The following KHDRBS2 variants were observed in gnomAD, a reference collection of about 807,000 sequenced individuals.
The protein encoded by KHDRBS2 is KH domain-containing, RNA-binding, signal transduction-associated protein 2.
Under a neutral mutation model 44.3 loss-of-function variants are expected in KHDRBS2, and 26 were observed. That is an observed-to-expected ratio of 0.59 (90% CI 0.43 to 0.81). The LOEUF (loss-of-function observed/expected upper bound fraction) is 0.81, where lower values mean the gene tolerates loss of function less well. KHDRBS2 is among the 40% of genes least tolerant of loss of function. The pLI is 0.00. For missense variants in KHDRBS2, 476 were observed against 433.1 expected, an observed-to-expected ratio of 1.10 and a Z score of -0.88; for synonymous variants, 194 against 151.1, an observed-to-expected ratio of 1.28 and a Z score of -2.08.
At chr6:61,845,587 C>T (rs534044939) in intron 6 of KHDRBS2, among the ~76,000 whole-genome samples, 4 of 152,160 alleles carry the variant, frequency 2.6e-5, no homozygotes, top group Non-Finnish European at 4.4e-5. Flanking sequence ...GGATTACAGG[C>T]GTGAGCCTCT....
At chr6:61,908,935 A>T (rs1313710236) in intron 4 of KHDRBS2, among the ~76,000 whole-genome samples, 5 of 152,210 alleles carry the variant, frequency 3.3e-5, no homozygotes, top group African/African-American at 7.2e-5. Context: ...CTCTTACAAG[A>T]TGAATTATAA....
chr6:62,260,621 T>C (rs1838184500), intron 1 of KHDRBS2, among the ~76,000 whole-genome samples: 1 of 151,994 alleles, frequency 6.6e-6, no homozygotes, highest in Non-Finnish European at 1.5e-5. Flanking sequence ...ACTTCATTAA[T>C]CTTGCTTTTT....
intron 2 of KHDRBS2, among the ~76,000 whole-genome samples, chr6:62,126,502 C>T (rs1451322429): frequency 6.6e-6 from 1 of 152,158 alleles, no homozygotes; most frequent in Non-Finnish European, 1.5e-5. Flanking sequence ...AGTAGCCAGA[C>T]AGTGCTTACC....
At chr6:61,746,269 G>C (rs575170494) in intron 6 of KHDRBS2, among the ~76,000 whole-genome samples, 1 of 151,924 alleles carries the variant, frequency 6.6e-6, no homozygotes, top group Non-Finnish European at 1.5e-5. Context: ...TTTAAGCCTC[G>C]CATGCATTAA....
At position 62,167,535 on chromosome 6, in the gene KHDRBS2, C is replaced by G. The variant is rs556746943; in HGVS notation, c.219+9650G>C. On this transcript the variant is annotated intron_variant, in intron 2 of 8. Coordinates refer to ENST00000281156, the MANE Select transcript of KHDRBS2 (RefSeq NM_152688.4). ...GCCATTCTATTGGAGAGAATATGGT[C>G]TACAGCAATTTGAATTTTTTTTCCT... 4.6e-5 allele frequency among the ~76,000 whole-genome samples: 7 copies of G among 152,114 alleles called. No individual in the cohort carries two copies. In the South Asian group the frequency reaches 1.5e-3, roughly 32 times the overall value.
intron 2 of KHDRBS2, among the ~76,000 whole-genome samples, chr6:62,134,991 T>C (rs1811195086): frequency 6.6e-6 from 1 of 152,174 alleles, no homozygotes; most frequent in African/African-American, 2.4e-5. Context: ...GAGTTAATAC[T>C]GAAATGAGTT....
chr6:62,200,374 C>G (rs1563052352), intron 1 of KHDRBS2, among the ~76,000 whole-genome samples: 1 of 151,892 alleles, frequency 6.6e-6, no homozygotes, highest in African/African-American at 2.4e-5. Flanking sequence ...ACAATGAACT[C>G]AAACAAATTT....
the KHDRBS2 span, among the ~76,000 whole-genome samples, chr6:61,660,674 T>C: frequency 6.6e-6 from 1 of 151,814 alleles, no homozygotes; most frequent in Non-Finnish European, 1.5e-5. Context: ...ATAGTCCTAT[T>C]CTACTGGGTT....
intron 2 of KHDRBS2, among the ~76,000 whole-genome samples, chr6:62,068,709 C>T (rs1457086374): frequency 6.6e-6 from 1 of 151,554 alleles, no homozygotes; most frequent in Non-Finnish European, 1.5e-5. Context: ...CATTGCTTTA[C>T]ATGTGACTAA....
intron 1 of KHDRBS2, among the ~76,000 whole-genome samples, chr6:62,230,438 C>A (rs1232221025): frequency 4.6e-5 from 7 of 152,050 alleles, no homozygotes; most frequent in Non-Finnish European, 1.5e-5. Flanking sequence ...TCTTGGACAT[C>A]CATTTTATAA....
At chr6:62,191,061 C>T (rs1005854994) in intron 1 of KHDRBS2, among the ~76,000 whole-genome samples, 3 of 152,156 alleles carry the variant, frequency 2.0e-5, no homozygotes, top group African/African-American at 7.2e-5. Flanking sequence ...CCACTTTTCT[C>T]TCTTCTGTTG....
chr6:61,985,624 A>G (rs1432079606), intron 3 of KHDRBS2, among the ~76,000 whole-genome samples: 4 of 152,178 alleles, frequency 2.6e-5, no homozygotes, highest in Admixed American at 6.6e-5. Flanking sequence ...TATGCATTCA[A>G]TGACATCAGC....
intron 7 of KHDRBS2, among the ~76,000 whole-genome samples, chr6:61,712,986 A>C (rs1770776914): frequency 6.6e-6 from 1 of 151,688 alleles, no homozygotes. Flanking sequence ...AAGCAACAAA[A>C]TTCTGACCTA....
chr6:61,951,294 C>G (rs1262441318), intron 4 of KHDRBS2, among the ~76,000 whole-genome samples: 2 of 151,976 alleles, frequency 1.3e-5, no homozygotes, highest in Non-Finnish European at 2.9e-5. Context: ...GAAGTAAATT[C>G]TCTTTGGAGA....
chr6:61,671,556 TTAA>T, the KHDRBS2 span, among the ~76,000 whole-genome samples: 1 of 151,694 alleles, frequency 6.6e-6, no homozygotes, highest in Admixed American at 6.6e-5. Flanking sequence ...TGAATAACAA[TTAA>T]TAATTTCTAC....
At chr6:61,928,956 G>A (rs1390099089) in intron 4 of KHDRBS2, among the ~76,000 whole-genome samples, 5 of 151,902 alleles carry the variant, frequency 3.3e-5, no homozygotes, top group African/African-American at 9.7e-5. Flanking sequence ...GAAGCTCTTT[G>A]GTAGTGAAAT....
intron 2 of KHDRBS2, among the ~76,000 whole-genome samples, chr6:62,070,975 A>G (rs1415645752): frequency 6.6e-6 from 1 of 152,022 alleles, no homozygotes; most frequent in Non-Finnish European, 1.5e-5. Context: ...AAGTGTTCCT[A>G]TTTCTCCACA....
intron 1 of KHDRBS2, among the ~76,000 whole-genome samples, chr6:62,215,251 C>T (rs1563076982): frequency 6.6e-6 from 1 of 151,912 alleles, no homozygotes; most frequent in Non-Finnish European, 1.5e-5. Context: ...TGTCCCCCCT[C>T]ACCTACCCAC....
At chr6:62,119,470 C>T (rs778079854) in intron 2 of KHDRBS2, among the ~76,000 whole-genome samples, 29 of 152,088 alleles carry the variant, frequency 1.9e-4, no homozygotes, top group Non-Finnish European at 3.8e-4. Context: ...AGATAAAGGG[C>T]TGAAAATGTG....
Sources: allele counts gnomAD v4.1 joint callset (sites outside exome capture counted in the v4.1 genomes callset), GRCh38; gene constraint gnomAD v4.1.1; transcripts MANE v1.5; gene names NCBI Gene and HGNC (gene_info 2026-07-23, HGNC 2026-07-21).